CERK: variants seen among roughly 807,000 people sequenced by gnomAD.
CERK encodes the protein acylsphingosine kinase.
Under a neutral mutation model 63.4 loss-of-function variants are expected in CERK, and 39 were observed. The observed-to-expected ratio is 0.61, with a 90% CI of 0.48 to 0.80. The LOEUF is 0.80. CERK is among the 30% of genes least tolerant of loss of function. CERK has a pLI of 0.00. For missense variants in CERK, 670 were observed against 714.1 expected, an observed-to-expected ratio of 0.94 and a Z score of 0.70; for synonymous variants, 302 against 280.0, an observed-to-expected ratio of 1.08 and a Z score of -0.78.
At chr22:46,702,136 G>A (rs926420150) in intron 6 of CERK, among the ~76,000 whole-genome samples, 4 of 142,770 alleles carry the variant, frequency 2.8e-5, no homozygotes, top group African/African-American at 7.8e-5. Flanking sequence ...AGTCGAGATC[G>A]CGCCACTATC....
At chr22:46,702,790 C>T (rs1024612114) in intron 6 of CERK, among the ~76,000 whole-genome samples, 2 of 152,210 alleles carry the variant, frequency 1.3e-5, no homozygotes, top group Non-Finnish European at 2.9e-5. Context: ...GCAGCTGCCC[C>T]GGCTGATCGC....
intron 8 of CERK, among the ~76,000 whole-genome samples, chr22:46,696,707 C>T (rs993459978): frequency 6.6e-5 from 10 of 152,252 alleles, no homozygotes; most frequent in African/African-American, 2.4e-4. Flanking sequence ...AACCCGCTTT[C>T]CTGAGAGCAT....
Position 46,690,524 on chromosome 22 carries a change from C to A in CERK, c.1333-324G>T, listed in dbSNP as rs115510654. On this transcript the variant is annotated intron_variant, in intron 11 of 12. Transcript: ENST00000216264. ...ACCACAGCTTATCTACAATGACGAA[C>A]GCTTTTTACAGAATTCTGATAAATA... Among the ~76,000 whole-genome samples, 478 of 152,240 alleles carry A rather than the reference C, an allele frequency of 3.1e-3. 1 individual carries two copies. Among genetic ancestry groups the A allele is most frequent in the African/African-American group, 0.011 (462 of 41,534 alleles).
chr22:46,736,872 G>A (rs968287210), intron 1 of CERK, among the ~76,000 whole-genome samples: 1 of 152,168 alleles, frequency 6.6e-6, no homozygotes, highest in Non-Finnish European at 1.5e-5. Context: ...ACTGCCCACA[G>A]GGTCTAAAGG....
Position 46,694,085 on chromosome 22 carries a change from A to G in CERK, c.1050-582T>C, listed in dbSNP as rs146459361. 3.0e-3 allele frequency among the ~76,000 whole-genome samples: 457 copies of G among 152,180 alleles called. 1 individual carries two copies. The highest frequency in any genetic ancestry group is 0.011 in the African/African-American group (443 of 41,502). ...TGACGCAAACAGCATCTGCCTCTAC[A>G]TATTCTGATTTTATGGTCTCCAATT... is the stretch of plus-strand genomic sequence containing the variant. On this transcript the variant is annotated intron_variant, in intron 9 of 12. Transcript: ENST00000216264.
chr22:46,691,223 C>A (rs537330188), intron 11 of CERK, among the ~76,000 whole-genome samples: 1 of 152,004 alleles, frequency 6.6e-6, no homozygotes, highest in Non-Finnish European at 1.5e-5. Context: ...TACAGGCGCA[C>A]GCCACCACGC....
rs139909363 is a variant in CERK, at chr22:46,723,258, G to C, written c.143-2243C>G. 6.5e-3 allele frequency among the ~76,000 whole-genome samples: 986 copies of C among 152,270 alleles called. 6 individuals carry two copies. Among genetic ancestry groups the C allele is most frequent in the Non-Finnish European group, 0.011 (777 of 68,020 alleles). ...AAATGGAATTATTGTCTCTAAAAAG[G>C]GACAGAAAAGTTAATAGAGGAACAA... is the stretch of plus-strand genomic sequence containing the variant. On this transcript the variant is annotated intron_variant, in intron 1 of 12. Coordinates refer to ENST00000216264, the MANE Select transcript of CERK (RefSeq NM_022766.6).
chr22:46,720,058 C>G (rs1324450790), intron 3 of CERK, 28 bp downstream of exon 3: 2 of 1,607,156 alleles, frequency 1.2e-6, no homozygotes, highest in African/African-American at 1.3e-5. Context: ...CACGGCCATC[C>G]TGTCTCTCAG....
chr22:46,725,813 C>G (rs1357895958), intron 1 of CERK, among the ~76,000 whole-genome samples: 5 of 152,224 alleles, frequency 3.3e-5, no homozygotes, highest in Non-Finnish European at 5.9e-5. Context: ...TCTCTGCAGA[C>G]CACTGCAGCA....
chr22:46,722,130 T>C (rs1033680571), intron 1 of CERK, among the ~76,000 whole-genome samples: 7 of 152,234 alleles, frequency 4.6e-5, no homozygotes, highest in African/African-American at 1.7e-4. Flanking sequence ...AATGTTATAA[T>C]TTGTGGTTAG....
intron 7 of CERK, 78 bp from the exon 8 acceptor site, chr22:46,699,543 CT>C (rs2082773250): frequency 7.3e-7 from 1 of 1,372,056 alleles, no homozygotes; most frequent in Non-Finnish European, 1.0e-6. Flanking sequence ...TTCAATAGCA[CT>C]TTGCAAACGT....
At chr22:46,731,181 GCC>G (rs1256288521) in intron 1 of CERK, among the ~76,000 whole-genome samples, 1 of 152,238 alleles carries the variant, frequency 6.6e-6, no homozygotes, top group Non-Finnish European at 1.5e-5. Flanking sequence ...CCCAGCCCGG[GCC>G]CCCACCCTGC....
rs991037430 is a variant in CERK, at chr22:46,714,218, C to T, written c.380-1925G>A. ...CCCAGGAAGTGGAGGTTGCAGTGAG[C>T]CAAGATCGCGCCATTGCACTCCAGC... On this transcript the variant is annotated intron_variant, in intron 3 of 12. Transcript: ENST00000216264. The surrounding 1 kb of genome is among the most constrained non-coding windows in gnomAD (Gnocchi z 4.4). Among the ~76,000 whole-genome samples, 14 of 152,196 alleles carry T rather than the reference C, an allele frequency of 9.2e-5. No individual in the cohort carries two copies. Among genetic ancestry groups the T allele is most frequent in the African/African-American group, 3.4e-4 (14 of 41,446 alleles).
intron 1 of CERK, among the ~76,000 whole-genome samples, chr22:46,729,909 G>A (rs1289738893): frequency 5.3e-5 from 8 of 152,108 alleles, no homozygotes; most frequent in Middle Eastern, 3.4e-3. Flanking sequence ...CGTGGTGGCA[G>A]GCGCCTGTAG....
At chr22:46,696,108 C>T (rs932129542) in intron 8 of CERK, among the ~76,000 whole-genome samples, 1 of 152,214 alleles carries the variant, frequency 6.6e-6, no homozygotes, top group African/African-American at 2.4e-5. Flanking sequence ...GCCTCACATC[C>T]TCATCCGCAG....
chr22:46,725,750 C>T (rs1230178798), intron 1 of CERK, among the ~76,000 whole-genome samples: 2 of 152,230 alleles, frequency 1.3e-5, no homozygotes. Context: ...GCCATGTCAG[C>T]GAGTGAGGCT....
At chr22:46,711,227 T>C (rs541773530) in intron 4 of CERK, 78 bp from the exon 5 acceptor site, 1 of 1,062,334 alleles carries the variant, frequency 9.4e-7, no homozygotes, top group African/African-American at 1.6e-5. Flanking sequence ...ATCCATTCTT[T>C]TAAAATGAGT....
chr22:46,728,356 G>A (rs907103659), intron 1 of CERK, among the ~76,000 whole-genome samples: 3 of 152,150 alleles, frequency 2.0e-5, no homozygotes, highest in East Asian at 1.9e-4. Flanking sequence ...GAAAGGCCAC[G>A]GGGGCTACTT....
chr22:46,714,659 T>C lies in CERK; in HGVS notation c.380-2366A>G, dbSNP rs979327921. On this transcript the variant is annotated intron_variant, in intron 3 of 12. Coordinates refer to ENST00000216264, the MANE Select transcript of CERK (RefSeq NM_022766.6). The surrounding 1 kb of genome is among the most constrained non-coding windows in gnomAD (Gnocchi z 4.4). The stretch of plus-strand genomic sequence containing the variant: ...AAAGAAAACTCCAAGCCCAGATGAT[T>C]TCACAACTGAATTCTTCCAAACATT... Among the ~76,000 whole-genome samples the C allele has an allele frequency of 1.3e-5, 2 of 152,176 alleles. No individual in the cohort carries two copies. Among genetic ancestry groups the C allele is most frequent in the South Asian group, 2.1e-4 (1 of 4,826 alleles).
Sources: gnomAD v4.1 joint callset for allele counts (sites outside exome capture counted in the v4.1 genomes callset) on GRCh38, gnomAD v4.1.1 for gene constraint, Gnocchi (gnomAD v3.1) non-coding constraint, MANE v1.5 for transcripts, NCBI Gene and HGNC (gene_info 2026-07-23, HGNC 2026-07-21) for gene names.